SCAMP4: variants seen among roughly 807,000 people sequenced by gnomAD.
SCAMP4 encodes secretory carrier-associated membrane protein 4.
In SCAMP4, 19 loss-of-function variants were observed where a neutral mutation model predicts 32.1. The observed-to-expected ratio is 0.59, with a 90% CI of 0.41 to 0.87. SCAMP4 has a LOEUF of 0.87. SCAMP4 is among the 40% of genes least tolerant of loss of function. The pLI is 0.00. For missense variants in SCAMP4, 302 were observed against 309.0 expected (o/e 0.98, Z 0.17); for synonymous variants, 152 against 132.7 (o/e 1.15, Z -1.00).
chr19:1,911,939 G>GGAGCCC lies in SCAMP4; in HGVS notation c.-41-3039_-41-3034dup, dbSNP rs2013472517. ...TAGCTCTGATGCGGTGACCTGGGCCGGAGCCCTCGGACTAGCCTCAGCTTT... is the reference window on the plus strand; with the variant it reads ...TAGCTCTGATGCGGTGACCTGGGCCGGAGCCCGAGCCCTCGGACTAGCCTCAGCTTT... On this transcript the variant is annotated intron_variant, in intron 1 of 6. Transcript: ENST00000316097. The GGAGCCC allele has an allele frequency of 8.9e-6, 12 of 1,354,458 alleles. No individual in the cohort carries two copies. The South Asian group carries it at 1.7e-4, about 19-fold the overall frequency. 83.9% of individuals were successfully genotyped at this position (1,354,458 alleles called of 1,614,324 possible). A position where few individuals can be genotyped will look rare whatever the true frequency, so the allele number is the denominator to read the frequency against.
intron 5 of SCAMP4, chr19:1,922,656 C>T (rs533073590): frequency 3.8e-5 from 38 of 987,516 alleles, no homozygotes; most frequent in African/African-American, 2.3e-4. Context: ...ACACAGTTGC[C>T]GTAGGCTGGG....
chr19:1,910,681 A>G (rs930570244), intron 1 of SCAMP4, among the ~76,000 whole-genome samples: 12 of 144,386 alleles, frequency 8.3e-5, no homozygotes, highest in Admixed American at 2.1e-4. Context: ...GGTTCAAGCA[A>G]TTCTCTTGCC....
intron 5 of SCAMP4, chr19:1,922,769 GCACGCA>G (rs2013959208): frequency 1.9e-6 from 2 of 1,055,952 alleles, no homozygotes; most frequent in African/African-American, 3.4e-5. Context: ...TCCATTCCCT[GCACGCA>G]CAGCCCACTG....
At chr19:1,915,751 C>G (rs995968560) in intron 2 of SCAMP4, among the ~76,000 whole-genome samples, 14 of 151,654 alleles carry the variant, frequency 9.2e-5, no homozygotes, top group African/African-American at 3.4e-4. Flanking sequence ...TCGAGACCAT[C>G]CTGGCTAACA....
At chr19:1,921,111 C>A (rs927908233) in intron 5 of SCAMP4, 1 of 985,310 alleles carries the variant, frequency 1.0e-6, no homozygotes, top group Non-Finnish European at 1.2e-6. Context: ...TCATGTCCAC[C>A]GTTGGCTTAG....
chr19:1,917,011 C>A (rs1488229266), intron 2 of SCAMP4, among the ~76,000 whole-genome samples: 1 of 152,198 alleles, frequency 6.6e-6, no homozygotes, highest in Non-Finnish European at 1.5e-5. Flanking sequence ...ATTTAAAAAA[C>A]AATTTCGGCC....
At chr19:1,921,557 C>T (rs2013920868) in intron 5 of SCAMP4, 5 of 985,366 alleles carry the variant, frequency 5.1e-6, no homozygotes, top group Non-Finnish European at 6.0e-6. Flanking sequence ...CTAGACCTGA[C>T]ACTTGCATGC....
At chr19:1,917,290 C>T (rs924575000) in intron 2 of SCAMP4, among the ~76,000 whole-genome samples, 2 of 152,048 alleles carry the variant, frequency 1.3e-5, no homozygotes, top group Non-Finnish European at 2.9e-5. Flanking sequence ...TGGGAGACAG[C>T]GCGAGACTCC....
At chr19:1,921,380 G>A (rs902623784) in intron 5 of SCAMP4, 11 of 985,438 alleles carry the variant, frequency 1.1e-5, no homozygotes, top group East Asian at 1.1e-4. Context: ...GACCCCCAGC[G>A]GGGCCTAGCT....
At chr19:1,912,352 G>A in intron 1 of SCAMP4, 2 of 1,529,186 alleles carry the variant, frequency 1.3e-6, no homozygotes, top group Non-Finnish European at 1.7e-6. Context: ...GATGCCGGCA[G>A]CCCCCACGCC....
chr19:1,912,956 C>T, intron 1 of SCAMP4: 1 of 1,610,328 alleles, frequency 6.2e-7, no homozygotes, highest in Non-Finnish European at 8.5e-7. Flanking sequence ...TGTACGTGAC[C>T]CGCGAGCCCT....
At position 1,923,926 on chromosome 19, in the gene SCAMP4, A is replaced by G. The variant is rs1417081005; in HGVS notation, c.514-182A>G. Among the ~76,000 whole-genome samples, 3 of 64,386 alleles carry G rather than the reference A, an allele frequency of 4.7e-5. 1 individual carries two copies. Among genetic ancestry groups the G allele is most frequent in the Non-Finnish European group, 5.8e-5 (1 of 17,154 alleles). The allele number at this position is 64,386 out of a possible 152,430, so 42.2% of individuals were successfully genotyped here. A position where few individuals can be genotyped will look rare whatever the true frequency, so the allele number is the denominator to read the frequency against. On this transcript the variant is annotated intron_variant, in intron 6 of 6. Coordinates refer to ENST00000316097, the MANE Select transcript of SCAMP4 (RefSeq NM_079834.4). ...AGGCGTGAGCCACCGTGCCCGGCCT[A>G]TTTTTTATATTGTAGTAGAGACAGG...
rs962405986 is a variant in SCAMP4, at chr19:1,925,547, G to C, written c.*1263G>C. ...CATTTTCACAGCACCATTCACAACG[G>C]TTGGGCCAAAAAGAAACTTTTCCTT... On this transcript the variant is annotated 3_prime_UTR_variant, in exon 7 of 7. Coordinates refer to ENST00000316097, the MANE Select transcript of SCAMP4 (RefSeq NM_079834.4). The C allele has an allele frequency of 1.4e-4, 22 of 153,142 alleles. No homozygotes were observed. The highest frequency in any genetic ancestry group is 5.1e-4 in the African/African-American group (21 of 41,410). 9.5% of individuals were successfully genotyped at this position (153,142 alleles called of 1,614,324 possible). A position where few individuals can be genotyped will look rare whatever the true frequency, so the allele number is the denominator to read the frequency against.
rs536904771 is a variant in SCAMP4 at position 1,922,530 on chromosome 19, C to A, written c.396-540C>A. 4.1e-6 allele frequency: 4 copies of A among 985,404 alleles called. No individual in the cohort carries two copies. In the South Asian group the frequency reaches 1.4e-4, roughly 35 times the overall value. 61.0% of individuals were successfully genotyped at this position (985,404 alleles called of 1,614,324 possible). On this transcript the variant is annotated intron_variant, in intron 5 of 6. Coordinates refer to ENST00000316097, the MANE Select transcript of SCAMP4 (RefSeq NM_079834.4). ...GACGACAGGCGTAAGCCTCTGCGCC[C>A]GGCCTCCTCATTGTTTCTAATGGTC...
chr19:1,911,944 C>A, intron 1 of SCAMP4: 1 of 1,376,252 alleles, frequency 7.3e-7, no homozygotes, highest in Non-Finnish European at 9.4e-7. Context: ...GGGCCGGAGC[C>A]CTCGGACTAG....
rs2014035858 is a variant in SCAMP4 at position 1,924,450 on chromosome 19, C to G, written c.*166C>G. Reference sequence around the variant, plus strand: ...CCCCTCCTGCCAGGGCCACAGAACCCGTGTTCATCTCATCCGAGAGCGGAG... The same window carrying G: ...CCCCTCCTGCCAGGGCCACAGAACCGGTGTTCATCTCATCCGAGAGCGGAG... On this transcript the variant is annotated 3_prime_UTR_variant, in exon 7 of 7. Coordinates refer to ENST00000316097, the MANE Select transcript of SCAMP4 (RefSeq NM_079834.4). 6 of 622,294 alleles carry G rather than the reference C, an allele frequency of 9.6e-6. No homozygotes were observed. The South Asian group carries it at 1.1e-4, about 12-fold the overall frequency. The allele number at this position is 622,294 out of a possible 1,614,324, so 38.5% of individuals were successfully genotyped here. A position where few individuals can be genotyped will look rare whatever the true frequency, so the allele number is the denominator to read the frequency against.
chr19:1,905,505 C>T, intron 1 of SCAMP4, 66 bp downstream of exon 1: 1 of 419,468 alleles, frequency 2.4e-6, no homozygotes, highest in East Asian at 1.0e-4. Context: ...GGAGTAGGGG[C>T]TGACATGGGG....
chr19:1,912,184 C>T, intron 1 of SCAMP4: 1 of 1,581,518 alleles, frequency 6.3e-7, no homozygotes, highest in South Asian at 1.1e-5. Flanking sequence ...CAGGCCCTCC[C>T]TGTCCTGTCC....
intron 4 of SCAMP4, 83 bp downstream of exon 4, chr19:1,918,366 A>T: frequency 7.2e-7 from 1 of 1,385,484 alleles, no homozygotes. Context: ...AGCTGTGAGG[A>T]GCTGTCCCTT....
Sources: allele counts gnomAD v4.1 joint callset (sites outside exome capture counted in the v4.1 genomes callset), GRCh38; gene constraint gnomAD v4.1.1; transcripts MANE v1.5; gene names NCBI Gene and HGNC (gene_info 2026-07-23, HGNC 2026-07-21).